The following PRKD1 variants were observed in gnomAD, a reference collection of about 807,000 sequenced individuals.
PRKD1 encodes the protein protein kinase D1.
PRKD1 carries 63 observed loss-of-function variants against 95.9 expected under a neutral mutation model. That is an observed-to-expected ratio of 0.66 (90% confidence interval 0.54 to 0.81). PRKD1 has a LOEUF of 0.81. Ranked by LOEUF, PRKD1 falls within the 30% of genes least tolerant of loss-of-function variation. The probability of loss-of-function intolerance (pLI) is 0.00; values close to 1 mark genes in which losing one functional copy is unlikely to be tolerated. For synonymous variants in PRKD1, 425 were observed against 423.1 expected (o/e 1.00, Z -0.05); for missense variants, 1,048 against 1,165.3 (o/e 0.90, Z 1.47).
chr14:29,919,992 G>GAGA (rs200608178), intron 1 of PRKD1, among the ~76,000 whole-genome samples: 1 of 146,466 alleles, frequency 6.8e-6, no homozygotes, highest in African/African-American at 2.6e-5. Context: ...GAGAAAGAGA[G>GAGA]GAAGGAAGGT....
In PRKD1 at chr14:29,856,756, TC is replaced by T. The variant is rs1811554975; in HGVS notation, c.264+70492del. Among the ~76,000 whole-genome samples the T allele has an allele frequency of 2.6e-5, 4 of 152,290 alleles. 1 individual carries two copies. The South Asian group carries it at 8.3e-4, about 32-fold the overall frequency. On this transcript the variant is annotated intron_variant, in intron 1 of 17. Coordinates refer to ENST00000331968, the MANE Select transcript of PRKD1 (RefSeq NM_002742.3). Reference sequence around the variant, plus strand: ...TTGGGTACCTAAAATAGGAACAGACTCCCGGGCACATCTCTGAGGCTGGTAA... The same window carrying T: ...TTGGGTACCTAAAATAGGAACAGACTCCGGGCACATCTCTGAGGCTGGTAA...
chr14:29,619,924 T>C (rs1255194427), intron 13 of PRKD1, among the ~76,000 whole-genome samples: 2 of 151,926 alleles, frequency 1.3e-5, no homozygotes, highest in South Asian at 4.2e-4. Context: ...CTTCAAACTA[T>C]ACTACAAGGC....
chr14:29,644,050 G>A (rs938307371), intron 4 of PRKD1, among the ~76,000 whole-genome samples: 4 of 152,186 alleles, frequency 2.6e-5, no homozygotes, highest in Non-Finnish European at 5.9e-5. Context: ...GTGACAAACA[G>A]TAAGCAGTTT....
chr14:29,630,630 C>A, intron 10 of PRKD1, 112 bp downstream of exon 10: 5 of 1,367,126 alleles, frequency 3.7e-6, no homozygotes, highest in Middle Eastern at 1.9e-4. Context: ...ACTAAGTCAT[C>A]CCCAAGAAGT....
chr14:29,812,666 AACTC>A (rs745768665), intron 1 of PRKD1, among the ~76,000 whole-genome samples: 3 of 152,302 alleles, frequency 2.0e-5, no homozygotes, highest in African/African-American at 7.2e-5. Flanking sequence ...ATCTTGTGAG[AACTC>A]ACTCACTATC....
intron 16 of PRKD1, among the ~76,000 whole-genome samples, chr14:29,593,129 A>G (rs1893186651): frequency 6.6e-6 from 1 of 152,188 alleles, no homozygotes. Flanking sequence ...AGGCTGGGTG[A>G]TTAAACGAAT....
chr14:29,787,215 GTTTT>G (rs34161174), intron 1 of PRKD1, among the ~76,000 whole-genome samples: 15 of 85,244 alleles, frequency 1.8e-4, no homozygotes, highest in African/African-American at 6.4e-4. Flanking sequence ...TTTGTTCAGT[GTTTT>G]TTTTTTTTTT....
intron 2 of PRKD1, among the ~76,000 whole-genome samples, chr14:29,671,338 CAG>C (rs1315042779): frequency 6.6e-6 from 1 of 152,050 alleles, no homozygotes; most frequent in Non-Finnish European, 1.5e-5. Context: ...AGGACCAGCA[CAG>C]AGTCAGGTTG....
At chr14:29,583,750 T>C (rs1892824330) in intron 16 of PRKD1, among the ~76,000 whole-genome samples, 1 of 152,174 alleles carries the variant, frequency 6.6e-6, no homozygotes, top group South Asian at 2.1e-4. Flanking sequence ...TTTAAAATTT[T>C]CTCCTCATGA....
chr14:29,725,719 C>G (rs746878738), intron 1 of PRKD1, 45 bp from the exon 2 acceptor site: 3 of 1,582,660 alleles, frequency 1.9e-6, no homozygotes, highest in Non-Finnish European at 2.6e-6. Flanking sequence ...AAAATCCTTC[C>G]AAATATTTTG....
At chr14:29,887,850 C>A (rs1893782659) in intron 1 of PRKD1, among the ~76,000 whole-genome samples, 1 of 152,148 alleles carries the variant, frequency 6.6e-6, no homozygotes, top group Non-Finnish European at 1.5e-5. Flanking sequence ...GCCATCTAGG[C>A]TTGTGTAAGT....
intron 1 of PRKD1, among the ~76,000 whole-genome samples, chr14:29,764,050 T>A (rs1307907771): frequency 6.6e-6 from 1 of 152,174 alleles, no homozygotes; most frequent in African/African-American, 2.4e-5. Context: ...TTTTTTCTTT[T>A]ACAATAATAC....
At chr14:29,818,227 C>T (rs1890769683) in intron 1 of PRKD1, among the ~76,000 whole-genome samples, 2 of 152,180 alleles carry the variant, frequency 1.3e-5, no homozygotes, top group Admixed American at 1.3e-4. Flanking sequence ...CAGGCTGCTT[C>T]TCAATTCATG....
intron 2 of PRKD1, 48 bp from the exon 3 acceptor site, chr14:29,666,256 C>G (rs1307313857): frequency 1.3e-6 from 2 of 1,536,924 alleles, no homozygotes; most frequent in Non-Finnish European, 8.9e-7. Flanking sequence ...GCACTCTGAT[C>G]TGTAAATAAA....
chr14:29,672,657 T>TATA (rs1882930341), intron 2 of PRKD1, among the ~76,000 whole-genome samples: 1 of 152,094 alleles, frequency 6.6e-6, no homozygotes, highest in Admixed American at 6.5e-5. Flanking sequence ...CAAGGAATCA[T>TATA]ATAATAGTCT....
At chr14:29,717,518 A>G (rs1039498080) in intron 2 of PRKD1, among the ~76,000 whole-genome samples, 2 of 152,162 alleles carry the variant, frequency 1.3e-5, no homozygotes, top group Admixed American at 6.6e-5. Context: ...ACTACTTATG[A>G]AATTGAAGCT....
chr14:29,892,237 T>C (rs1893961586), intron 1 of PRKD1, among the ~76,000 whole-genome samples: 1 of 152,170 alleles, frequency 6.6e-6, no homozygotes, highest in Admixed American at 6.6e-5. Context: ...AACACATCAA[T>C]GTACTGAGTG....
At chr14:29,580,326 CATT>C (rs1305327361) in intron 16 of PRKD1, among the ~76,000 whole-genome samples, 1 of 152,140 alleles carries the variant, frequency 6.6e-6, no homozygotes, top group Non-Finnish European at 1.5e-5. Flanking sequence ...AGCATACAAT[CATT>C]AGTCTGACTA....
chr14:29,885,804 TAAAAAAA>T lies in PRKD1; in HGVS notation c.264+41438_264+41444del, dbSNP rs759317394. On this transcript the variant is annotated intron_variant, in intron 1 of 17. Coordinates refer to ENST00000331968, the MANE Select transcript of PRKD1 (RefSeq NM_002742.3). ...CAACATGGTGAAACCCCATCTTTAC[TAAAAAAA>T]AAAAAAAAAAAAAAAAAAATAGCCA... Among the ~76,000 whole-genome samples, 87 of 53,488 alleles carry T rather than the reference TAAAAAAA, an allele frequency of 1.6e-3. 3 individuals carry two copies. Among genetic ancestry groups the T allele is most frequent in the African/African-American group, 4.8e-3 (78 of 16,108 alleles). 35.1% of individuals were successfully genotyped at this position (53,488 alleles called of 152,430 possible).
Sources: allele counts gnomAD v4.1 joint callset (sites outside exome capture counted in the v4.1 genomes callset), GRCh38; gene constraint gnomAD v4.1.1; transcripts MANE v1.5; gene names NCBI Gene and HGNC (gene_info 2026-07-23, HGNC 2026-07-21).